Variants in DYNC2H1 observed in about 807,000 individuals in gnomAD.
The protein encoded by DYNC2H1 is cytoplasmic dynein 2 heavy chain 1.
Under a neutral mutation model 570.0 loss-of-function variants are expected in DYNC2H1, and 410 were observed. That is an observed-to-expected ratio of 0.72 (90% CI 0.66 to 0.78). The LOEUF (loss-of-function observed/expected upper bound fraction) is 0.78, where lower values mean the gene tolerates loss of function less well. Ranked by LOEUF, DYNC2H1 falls within the 30% of genes least tolerant of loss-of-function variation. The probability of loss-of-function intolerance (pLI) is 0.00; values close to 1 mark genes in which losing one functional copy is unlikely to be tolerated. For missense variants in DYNC2H1, 4,865 were observed against 5,046.4 expected (o/e 0.96, Z 1.09); for synonymous variants, 1,688 against 1,677.6 (o/e 1.01, Z -0.15).
intron 80 of DYNC2H1, among the ~76,000 whole-genome samples, chr11:103,317,584 T>C (rs781498358): frequency 2.0e-5 from 3 of 152,204 alleles, no homozygotes; most frequent in Non-Finnish European, 4.4e-5. Context: ...ATAATTTTCC[T>C]GTTTAAAACC....
chr11:103,475,879 G>C (rs1945532453), intron 88 of DYNC2H1, among the ~76,000 whole-genome samples: 1 of 152,138 alleles, frequency 6.6e-6, no homozygotes, highest in South Asian at 2.1e-4. Context: ...CTCCTGACTA[G>C]AAAGGAATAA....
In DYNC2H1 at chr11:103,253,266, G is replaced by C; in HGVS notation, c.10043-19G>C. ...TACAGAAGATTCAGACCAACCAATT[G>C]TGTGTTTTTTTTAAATAGGACCACG... On this transcript the variant is annotated intron_variant, in intron 65 of 88. Coordinates refer to ENST00000375735, the MANE Select transcript of DYNC2H1 (RefSeq NM_001377.3). 6.6e-7 allele frequency: 1 copy of C among 1,515,918 alleles called. No homozygotes were observed. Among genetic ancestry groups the C allele is most frequent in the Non-Finnish European group, 9.1e-7 (1 of 1,103,976 alleles). 93.9% of individuals were successfully genotyped at this position (1,515,918 alleles called of 1,614,324 possible). A position where few individuals can be genotyped will look rare whatever the true frequency, so the allele number is the denominator to read the frequency against.
chr11:103,387,015 C>A (rs1941912673), intron 83 of DYNC2H1, among the ~76,000 whole-genome samples: 1 of 151,944 alleles, frequency 6.6e-6, no homozygotes, highest in African/African-American at 2.4e-5. Flanking sequence ...GGTATATACC[C>A]AGTAATGGGA....
Position 103,117,713 on chromosome 11 carries a change from T to G in DYNC2H1, c.849T>G (p.Ser283Arg). 6.2e-7 allele frequency: 1 copy of G among 1,613,044 alleles called. No homozygotes were observed. The highest frequency in any genetic ancestry group is 1.1e-5 in the South Asian group (1 of 90,952). ...WEDPYYLVKE[S>R]LKAGISICEQ... ...ATCCTTATTATCTTGTGAAAGAAAG[T>G]CTGAAAGCTGGTATTTCAATTTGTG... The change falls in exon 6 of 89, where the codon AGT (serine) becomes AGG (arginine). Residue 283 changes from serine (S) to arginine (R), a missense_variant. Physicochemically the swap from Ser to Arg is moderately radical, Grantham distance 110 (BLOSUM62 -1). Coordinates refer to ENST00000375735, the MANE Select transcript of DYNC2H1 (RefSeq NM_001377.3).
At chr11:103,474,567 G>GT (rs1392608335) in intron 88 of DYNC2H1, among the ~76,000 whole-genome samples, 13 of 152,012 alleles carry the variant, frequency 8.6e-5, no homozygotes, top group African/African-American at 2.9e-4. Context: ...ATCTAATATG[G>GT]TAGTCCCTCT....
chr11:103,371,132 G>A (rs539194202), intron 83 of DYNC2H1, among the ~76,000 whole-genome samples: 1 of 152,104 alleles, frequency 6.6e-6, no homozygotes, highest in East Asian at 1.9e-4. Flanking sequence ...AAAGAATCAG[G>A]CAGAAATTCT....
chr11:103,274,690 G>A (rs1312762147), intron 70 of DYNC2H1, among the ~76,000 whole-genome samples: 1 of 152,090 alleles, frequency 6.6e-6, no homozygotes, highest in Non-Finnish European at 1.5e-5. Context: ...AATTCTCATG[G>A]TAGTTGTTTC....
chr11:103,143,289 G>T lies in DYNC2H1; in HGVS notation c.2596G>T (p.Val866Phe). 6.2e-7 allele frequency: 1 copy of T among 1,613,408 alleles called. No individual in the cohort carries two copies. The highest frequency in any genetic ancestry group is 1.1e-5 in the South Asian group (1 of 90,974). ...QHKEWIVIGQ[V>F]DMEALVEKHL... ...ATAGGAATGGATTGTAATTGGGCAA[G>T]TTGATATGGAAGCTCTGGTGGAAAA... Residue 866 changes from valine to phenylalanine, a missense_variant, in exon 18 of 89, where the codon GTT (valine) becomes TTT (phenylalanine). Around this residue, in one of 5 missense-constraint regions of DYNC2H1, gnomAD observed 1,936 missense variants for 1,962.1 expected, o/e 0.99. Transcript: ENST00000375735.
rs372003909 is a variant in DYNC2H1, at chr11:103,135,888, G to T, written c.2514G>T (p.Thr838=). Residue 838 remains threonine, a synonymous_variant, in exon 17 of 89, where the codon ACG becomes ACT. Transcript: ENST00000375735. ...ATAGAAATGCAAGTGGATTTTTGAC[G>T]ATTTTCAGCAAAGCAGAAGATCTGT... ...MIDRNASGFL[T]IFSKAEDLFR... is the part of the protein sequence containing the mutation. The T allele has an allele frequency of 1.2e-6, 2 of 1,612,790 alleles. No homozygotes were observed. The highest frequency in any genetic ancestry group is 1.7e-5 in the Admixed American group (1 of 59,866).
chr11:103,118,174 C>T (rs1243290606), intron 6 of DYNC2H1, among the ~76,000 whole-genome samples: 1 of 151,982 alleles, frequency 6.6e-6, no homozygotes, highest in African/African-American at 2.4e-5. Flanking sequence ...GTTGGGACAA[C>T]TTTTTAAGTG....
intron 40 of DYNC2H1, among the ~76,000 whole-genome samples, chr11:103,183,627 C>G (rs919094726): frequency 1.1e-4 from 17 of 151,852 alleles, no homozygotes; most frequent in Non-Finnish European, 2.1e-4. Context: ...TTGCTTTCTT[C>G]TTTTTTCTCT....
At chr11:103,304,853 AT>A in intron 77 of DYNC2H1, 133 bp downstream of exon 77, 1 of 1,012,008 alleles carries the variant, frequency 9.9e-7, no homozygotes, top group Non-Finnish European at 1.3e-6. Flanking sequence ...TTAAATTTAA[AT>A]ATTTCATAAA....
intron 83 of DYNC2H1, among the ~76,000 whole-genome samples, chr11:103,388,092 G>T (rs1392259650): frequency 6.6e-6 from 1 of 152,108 alleles, no homozygotes; most frequent in Non-Finnish European, 1.5e-5. Flanking sequence ...ATTACCTTGG[G>T]ATGTATGGCC....
In DYNC2H1 at chr11:103,261,287, A is replaced by G. The variant is rs1402923574; in HGVS notation, c.10695+1310A>G. On this transcript the variant is annotated intron_variant, in intron 70 of 88. Transcript: ENST00000375735. This position sits in a 1 kb window ranked among gnomAD's most constrained non-coding sequence, Gnocchi z 4.8. ...GGGCGCAGCATCAGCAGACTTAAACATTCCCACCTGCTGGCTCTGAAGAGA... is the reference window on the plus strand; with the variant it reads ...GGGCGCAGCATCAGCAGACTTAAACGTTCCCACCTGCTGGCTCTGAAGAGA... Among the ~76,000 whole-genome samples the G allele has an allele frequency of 2.0e-5, 3 of 152,272 alleles. No homozygotes were observed. Among genetic ancestry groups the G allele is most frequent in the South Asian group, 2.1e-4 (1 of 4,814 alleles).
intron 71 of DYNC2H1, among the ~76,000 whole-genome samples, chr11:103,281,050 G>T (rs1043859932): frequency 6.6e-6 from 1 of 152,012 alleles, no homozygotes; most frequent in African/African-American, 2.4e-5. Context: ...TTATCATAAA[G>T]TGAGATTCCA....
At chr11:103,153,783 A>G (rs1049388454) in intron 22 of DYNC2H1, among the ~76,000 whole-genome samples, 2 of 152,000 alleles carry the variant, frequency 1.3e-5, no homozygotes, top group Non-Finnish European at 2.9e-5. Context: ...CTTTGAACTT[A>G]TCCTATTTAA....
intron 87 of DYNC2H1, among the ~76,000 whole-genome samples, chr11:103,460,825 A>G (rs879719758): frequency 6.6e-6 from 1 of 151,942 alleles, no homozygotes; most frequent in African/African-American, 2.4e-5. Context: ...AGTTCTGTAT[A>G]TCCAGTGAGC....
chr11:103,114,039 G>T, intron 2 of DYNC2H1, 64 bp from the exon 3 acceptor site: 1 of 1,567,554 alleles, frequency 6.4e-7, no homozygotes, highest in Admixed American at 1.9e-5. Context: ...ACAGTGTTTT[G>T]GGAAGCCAAT....
At chr11:103,447,694 G>C (rs1156858666) in intron 85 of DYNC2H1, among the ~76,000 whole-genome samples, 2 of 152,044 alleles carry the variant, frequency 1.3e-5, no homozygotes. Flanking sequence ...TTATAACTAA[G>C]TTTTTTAAGG....
Sources: allele counts gnomAD v4.1 joint callset (sites outside exome capture counted in the v4.1 genomes callset), GRCh38; gene constraint gnomAD v4.1.1; regional missense constraint gnomAD v4.1.1; non-coding constraint Gnocchi (gnomAD v3.1); transcripts MANE v1.5; gene names NCBI Gene and HGNC (gene_info 2026-07-23, HGNC 2026-07-21).